Variants in EAF1 observed in about 807,000 individuals in gnomAD.
The protein encoded by EAF1 is ELL-associated factor 1.
Under a neutral mutation model 26.6 loss-of-function variants are expected in EAF1, and 19 were observed. The ratio of observed to expected loss-of-function variants is 0.71; its 90% CI spans 0.50 to 1.05. The LOEUF is 1.05. EAF1 is among the 50% of genes least tolerant of loss of function. The probability of loss-of-function intolerance (pLI) is 0.00; values close to 1 mark genes in which losing one functional copy is unlikely to be tolerated. For synonymous variants in EAF1, 102 were observed against 120.6 expected, an observed-to-expected ratio of 0.85 and a Z score of 1.01; for missense variants, 260 against 335.5, an observed-to-expected ratio of 0.78 and a Z score of 1.76.
chr3:15,436,751 A>G (rs1399872683), intron 5 of EAF1, 176 bp downstream of exon 5: 3 of 505,486 alleles, frequency 5.9e-6, no homozygotes, highest in Non-Finnish European at 1.0e-5. Context: ...AATGAGATGA[A>G]AAATCTGTTC....
intron 5 of EAF1, among the ~76,000 whole-genome samples, chr3:15,437,713 C>A (rs935372814): frequency 6.6e-6 from 1 of 152,166 alleles, no homozygotes; most frequent in African/African-American, 2.4e-5. Context: ...GATGAATGTT[C>A]TCTCTTGGTA....
chr3:15,436,457 G>A lies in EAF1; in HGVS notation c.642G>A (p.Glu214=). ...SDDDSSSSGG[E]DNGPASPPQP... is the part of the protein sequence containing the mutation. ...ACGATAGCTCCAGCAGTGGAGGCGA[G>A]GACAATGGCCCAGCCTCTCCTCCGC... The change falls in exon 5 of 6, where the codon GAG becomes GAA. Residue 214 remains glutamate, a synonymous_variant. Coordinates refer to ENST00000396842, the MANE Select transcript of EAF1 (RefSeq NM_033083.7). 6.2e-7 allele frequency: 1 copy of A among 1,613,594 alleles called. No homozygotes were observed. The highest frequency in any genetic ancestry group is 8.5e-7 in the Non-Finnish European group (1 of 1,179,524).
At chr3:15,438,963 T>C in intron 5 of EAF1, 146 bp from the exon 6 acceptor site, 2 of 722,164 alleles carry the variant, frequency 2.8e-6, no homozygotes, top group Non-Finnish European at 4.5e-6. Flanking sequence ...GTGAGCCAAT[T>C]TGATTTTCTT....
At position 15,439,920 on chromosome 3, in the gene EAF1, T is replaced by C. The variant is rs1026686974; in HGVS notation, c.*765T>C. 6 of 152,216 alleles carry C rather than the reference T, an allele frequency of 3.9e-5. No individual in the cohort carries two copies. Among genetic ancestry groups the C allele is most frequent in the Non-Finnish European group, 7.3e-5 (5 of 68,032 alleles). 9.4% of individuals were successfully genotyped at this position (152,216 alleles called of 1,614,324 possible). A position where few individuals can be genotyped will look rare whatever the true frequency, so the allele number is the denominator to read the frequency against. ...GATGTACATTGGCACTTGGATTAGA[T>C]TCCAAAAGACAAAAGTGTTGGGTGC... is the stretch of plus-strand genomic sequence containing the variant. On this transcript the variant is annotated 3_prime_UTR_variant, in exon 6 of 6. Transcript: ENST00000396842.
rs963306382 is a variant in EAF1, at chr3:15,440,914, G to C, written c.*1759G>C. 6.6e-6 allele frequency: 1 copy of C among 152,648 alleles called. No individual in the cohort carries two copies. Among genetic ancestry groups the C allele is most frequent in the African/African-American group, 2.4e-5 (1 of 41,444 alleles). The allele number at this position is 152,648 out of a possible 1,614,324, so 9.5% of individuals were successfully genotyped here. Reference sequence around the variant, plus strand: ...TGAATTGTTACTGGATGTAGGAATTGTTTCACTGCTCTTAACTTGCTCAAA... The same window carrying C: ...TGAATTGTTACTGGATGTAGGAATTCTTTCACTGCTCTTAACTTGCTCAAA... On this transcript the variant is annotated 3_prime_UTR_variant, in exon 6 of 6. Transcript: ENST00000396842.
intron 1 of EAF1, among the ~76,000 whole-genome samples, chr3:15,429,661 G>A (rs1200835788): frequency 1.3e-5 from 2 of 152,198 alleles, no homozygotes; most frequent in Non-Finnish European, 2.9e-5. Context: ...ATGTGGAGGT[G>A]TAGATGAAAC....
rs1312819808 is a variant in EAF1, at chr3:15,441,546, C to CAG, written c.*2392_*2393dup. The CAG allele has an allele frequency of 7.7e-6, 1 of 129,736 alleles. No homozygotes were observed. Among genetic ancestry groups the CAG allele is most frequent in the Non-Finnish European group, 1.6e-5 (1 of 64,512 alleles). 8.0% of individuals were successfully genotyped at this position (129,736 alleles called of 1,614,324 possible). A position where few individuals can be genotyped will look rare whatever the true frequency, so the allele number is the denominator to read the frequency against. ...CTGGTCGGTATGAGCTCCTTAAAAG[C>CAG]AGGTACTGGGCTGGCTGTGGTGACT... is the stretch of plus-strand genomic sequence containing the variant. On this transcript the variant is annotated 3_prime_UTR_variant, in exon 6 of 6. Transcript: ENST00000396842.
At chr3:15,437,677 C>T (rs778668872) in intron 5 of EAF1, among the ~76,000 whole-genome samples, 2 of 152,166 alleles carry the variant, frequency 1.3e-5, no homozygotes, top group Non-Finnish European at 2.9e-5. Context: ...GGCTAATTTT[C>T]TATGCTTTTC....
intron 3 of EAF1, among the ~76,000 whole-genome samples, chr3:15,432,778 C>A (rs1208638715): frequency 6.6e-6 from 1 of 151,598 alleles, no homozygotes; most frequent in African/African-American, 2.4e-5. Flanking sequence ...TATTTGTTAC[C>A]ATATAATACA....
intron 5 of EAF1, chr3:15,438,875 GCTTA>G (rs2061850347): frequency 2.3e-6 from 1 of 427,742 alleles, no homozygotes; most frequent in Admixed American, 4.1e-5. Context: ...AAGTTATCCA[GCTTA>G]CTTCTCCTTT....
chr3:15,430,148 G>A, intron 2 of EAF1, 141 bp downstream of exon 2: 1 of 612,100 alleles, frequency 1.6e-6, no homozygotes, highest in Non-Finnish European at 2.8e-6. Context: ...ATTTTGGGGA[G>A]TGGGGTGGGG....
At chr3:15,433,658 C>CAGTA (rs1182322443) in intron 3 of EAF1, among the ~76,000 whole-genome samples, 3 of 152,176 alleles carry the variant, frequency 2.0e-5, no homozygotes, top group African/African-American at 7.2e-5. Context: ...AATGAACAAG[C>CAGTA]AGTATATAGA....
intron 5 of EAF1, 157 bp from the exon 6 acceptor site, chr3:15,438,952 A>G (rs2061850735): frequency 1.5e-6 from 1 of 659,520 alleles, no homozygotes; most frequent in Non-Finnish European, 2.5e-6. Context: ...ATTTTGTTTC[A>G]GTGAGCCAAT....
intron 5 of EAF1, 120 bp from the exon 6 acceptor site, chr3:15,438,989 A>G (rs2061851037): frequency 1.1e-6 from 1 of 899,106 alleles, no homozygotes; most frequent in South Asian, 1.7e-5. Flanking sequence ...AGTTGAATTA[A>G]CAAGGTTTTA....
chr3:15,431,563 CTAGTT>C (rs1559504605), intron 2 of EAF1, among the ~76,000 whole-genome samples: 2 of 152,272 alleles, frequency 1.3e-5, no homozygotes, highest in African/African-American at 4.8e-5. Context: ...GGCCAAGTGG[CTAGTT>C]TAAAGATTTT....
At chr3:15,432,460 G>A (rs1439948354) in intron 3 of EAF1, among the ~76,000 whole-genome samples, 2 of 152,120 alleles carry the variant, frequency 1.3e-5, no homozygotes, top group African/African-American at 4.8e-5. Flanking sequence ...TTAGGGAAAG[G>A]GGGATATACT....
At chr3:15,438,556 A>G (rs2125068726) in intron 5 of EAF1, 1 of 138,320 alleles carries the variant, frequency 7.2e-6, no homozygotes, top group Admixed American at 8.0e-5. Context: ...AGACAGTCTC[A>G]CTCTATCGCC....
In EAF1 at chr3:15,436,370, A is replaced by G. The variant is rs775877887; in HGVS notation, c.555A>G (p.Glu185=). 6.2e-7 allele frequency: 1 copy of G among 1,612,504 alleles called. No homozygotes were observed. Among genetic ancestry groups the G allele is most frequent in the South Asian group, 1.1e-5 (1 of 90,978 alleles). Residue 185 remains glutamate (E), a synonymous_variant, in exon 5 of 6, where the codon GAA becomes GAG. Coordinates refer to ENST00000396842, the MANE Select transcript of EAF1 (RefSeq NM_033083.7). ...TGAGGGCTGAAGTTGACATTATTGAACAAATGAGCAGCAGCAGTGGGAGCA... is the reference window on the plus strand; with the variant it reads ...TGAGGGCTGAAGTTGACATTATTGAGCAAATGAGCAGCAGCAGTGGGAGCA... ...RELRAEVDII[E]QMSSSSGSSS...
In EAF1 at chr3:15,442,556, T is replaced by C. The variant is rs981875568; in HGVS notation, c.*3401T>C. On this transcript the variant is annotated 3_prime_UTR_variant, in exon 6 of 6. Coordinates refer to ENST00000396842, the MANE Select transcript of EAF1 (RefSeq NM_033083.7). ...AAAATATTTGCTGTGTAAAGTATTTTTTGTTTATTCTCTTAAAAGATCACT... is the reference window on the plus strand; with the variant it reads ...AAAATATTTGCTGTGTAAAGTATTTCTTGTTTATTCTCTTAAAAGATCACT... 1.3e-5 allele frequency: 2 copies of C among 152,656 alleles called. No individual in the cohort carries two copies. Among genetic ancestry groups the C allele is most frequent in the Non-Finnish European group, 2.9e-5 (2 of 68,040 alleles). 9.5% of individuals were successfully genotyped at this position (152,656 alleles called of 1,614,324 possible). A position where few individuals can be genotyped will look rare whatever the true frequency, so the allele number is the denominator to read the frequency against.
Sources: gnomAD v4.1 joint callset for allele counts (sites outside exome capture counted in the v4.1 genomes callset) on GRCh38, gnomAD v4.1.1 for gene constraint, MANE v1.5 for transcripts, NCBI Gene and HGNC (gene_info 2026-07-23, HGNC 2026-07-21) for gene names.